RELL1: variants seen among roughly 807,000 people sequenced by gnomAD.
RELL1 encodes RELT-like protein 1.
RELL1 carries 10 observed loss-of-function variants against 23.0 expected under a neutral mutation model. The observed-to-expected ratio is 0.43, with a 90% CI of 0.27 to 0.74. The LOEUF (loss-of-function observed/expected upper bound fraction) is 0.74. Among genes scored for constraint, RELL1 ranks in the 30% least tolerant of loss-of-function variants. The pLI, the probability that RELL1 is intolerant of heterozygous loss-of-function variation, is 0.19. For missense variants in RELL1, 315 were observed against 364.4 expected (o/e 0.86, Z 1.10); for synonymous variants, 146 against 146.8 (o/e 0.99, Z 0.04).
At chr4:37,605,945 AAG>A (rs1179877400), downstream of RELL1, among the ~76,000 whole-genome samples, 4 of 147,726 alleles carry the variant, frequency 2.7e-5, no homozygotes. Context: ...GAAGGAGAGA[AAG>A]AGGAAGGGAA....
intron 3 of RELL1, among the ~76,000 whole-genome samples, chr4:37,640,674 T>C (rs1720497646): frequency 6.6e-6 from 1 of 152,202 alleles, no homozygotes; most frequent in Admixed American, 6.5e-5. Flanking sequence ...ATGTAAATAG[T>C]TGTTATGCTG....
chr4:37,628,152 A>T (rs562796178), intron 6 of RELL1, among the ~76,000 whole-genome samples: 1 of 152,210 alleles, frequency 6.6e-6, no homozygotes, highest in Non-Finnish European at 1.5e-5. Flanking sequence ...TCATTGGGGT[A>T]ATCAGATAGG....
intron 6 of RELL1, among the ~76,000 whole-genome samples, chr4:37,614,840 G>A (rs971590581): frequency 1.3e-5 from 2 of 152,124 alleles, no homozygotes; most frequent in African/African-American, 2.4e-5. Context: ...CGTCAAAGGT[G>A]GGGGATGTCA....
At chr4:37,679,709 C>G (rs1407125004) in intron 1 of RELL1, among the ~76,000 whole-genome samples, 8 of 152,166 alleles carry the variant, frequency 5.3e-5, no homozygotes, top group African/African-American at 1.9e-4. Context: ...AATCCCAGCA[C>G]TTTGGGAGGC....
At chr4:37,604,786 G>GACACACACAC (rs1284457656) in intron 6 of RELL1, among the ~76,000 whole-genome samples, 3 of 52,694 alleles carry the variant, frequency 5.7e-5, no homozygotes, top group South Asian at 6.2e-4. Context: ...GACACACACA[G>GACACACACAC]ACACACACAC....
chr4:37,590,854 G>A, exon 7 of RELL1: 4 of 1,614,242 alleles, frequency 2.5e-6, no homozygotes, highest in Non-Finnish European at 2.5e-6. Context: ...CATGCCTGTG[G>A]TTGACTCAGG....
At chr4:37,610,339 T>C (rs891481319), downstream of RELL1, among the ~76,000 whole-genome samples, 1 of 152,212 alleles carries the variant, frequency 6.6e-6, no homozygotes, top group African/African-American at 2.4e-5. The surrounding 1 kb of genome is among the most constrained non-coding windows in gnomAD (Gnocchi z 4.1). Context: ...TAAATATAAC[T>C]TTTTTATATG....
At chr4:37,622,023 C>T (rs1043891835) in intron 6 of RELL1, among the ~76,000 whole-genome samples, 3 of 152,190 alleles carry the variant, frequency 2.0e-5, no homozygotes, top group African/African-American at 7.2e-5. Context: ...GTACTGGAGC[C>T]ACTCCCAACA....
At chr4:37,640,894 A>G (rs554960958) in intron 3 of RELL1, among the ~76,000 whole-genome samples, 22 of 152,342 alleles carry the variant, frequency 1.4e-4, no homozygotes, top group Non-Finnish European at 2.9e-4. Flanking sequence ...ATAAACATAA[A>G]AAAGAGGGAA....
intron 5 of RELL1, 44 bp downstream of exon 5, chr4:37,634,843 C>T: frequency 6.7e-7 from 1 of 1,501,380 alleles, no homozygotes; most frequent in Non-Finnish European, 9.3e-7. Context: ...CACACCAGAG[C>T]ACCCATGTCA....
chr4:37,646,911 G>A (rs1016228520), intron 3 of RELL1, among the ~76,000 whole-genome samples: 1 of 152,018 alleles, frequency 6.6e-6, no homozygotes, highest in African/African-American at 2.4e-5. Flanking sequence ...TTTTTGAAGA[G>A]ATGGGGTCTC....
intron 1 of RELL1, among the ~76,000 whole-genome samples, chr4:37,659,218 G>A (rs1721233045): frequency 6.6e-6 from 1 of 152,184 alleles, no homozygotes; most frequent in Non-Finnish European, 1.5e-5. Flanking sequence ...CCTGGGCCCA[G>A]TAAGCTTTGG....
intron 1 of RELL1, among the ~76,000 whole-genome samples, chr4:37,680,277 A>G (rs973750821): frequency 3.9e-5 from 6 of 152,186 alleles, no homozygotes; most frequent in Non-Finnish European, 7.3e-5. Flanking sequence ...TGACCTTCAG[A>G]TCAACACTGA....
At chr4:37,609,078 G>C (rs1044832919), downstream of RELL1, among the ~76,000 whole-genome samples, 1 of 152,200 alleles carries the variant, frequency 6.6e-6, no homozygotes, top group African/African-American at 2.4e-5. Context: ...AAACAGATTT[G>C]GAAGGAGATG....
intron 4 of RELL1, among the ~76,000 whole-genome samples, chr4:37,637,091 T>C (rs1935537010): frequency 6.6e-6 from 1 of 152,200 alleles, no homozygotes; most frequent in South Asian, 2.1e-4. Context: ...GTACCAGCTA[T>C]GTACAAAACC....
downstream of RELL1, chr4:37,590,194 A>G (rs1718527099): frequency 6.2e-7 from 1 of 1,614,150 alleles, no homozygotes; most frequent in African/African-American, 1.3e-5. Context: ...CAAATGGAGC[A>G]GTGAAGTCTT....
chr4:37,615,534 G>A (rs934701586), intron 6 of RELL1, among the ~76,000 whole-genome samples: 2 of 152,146 alleles, frequency 1.3e-5, no homozygotes, highest in African/African-American at 4.8e-5. Flanking sequence ...ACACCAGAAA[G>A]GCTAACAGGA....
intron 5 of RELL1, among the ~76,000 whole-genome samples, chr4:37,632,084 G>GAAAAAAAAAAAAA: frequency 2.2e-5 from 1 of 44,460 alleles, no homozygotes; most frequent in Non-Finnish European, 3.6e-5. Context: ...TCTCAATAAG[G>GAAAAAAAAAAAAA]AAAAAAAAAA....
intron 1 of RELL1, among the ~76,000 whole-genome samples, chr4:37,658,633 C>T (rs951278828): frequency 1.3e-5 from 2 of 152,134 alleles, no homozygotes; most frequent in African/African-American, 4.8e-5. Flanking sequence ...CTCAAACACA[C>T]TTTATGTTAC....
Sources: gnomAD v4.1 joint callset for allele counts (sites outside exome capture counted in the v4.1 genomes callset) on GRCh38, gnomAD v4.1.1 for gene constraint, Gnocchi (gnomAD v3.1) non-coding constraint, MANE v1.5 for transcripts, NCBI Gene and HGNC (gene_info 2026-07-23, HGNC 2026-07-21) for gene names.